The following IL1RAPL1 variants were observed in gnomAD, a reference collection of about 807,000 sequenced individuals.
IL1RAPL1 encodes the protein interleukin 1 receptor accessory protein like 1.
IL1RAPL1 carries 3 observed loss-of-function variants against 48.4 expected under a neutral mutation model. The ratio of observed to expected loss-of-function variants is 0.06; its 90% CI spans 0.03 to 0.16. The LOEUF is 0.16. IL1RAPL1 is among the 10% of genes least tolerant of loss of function. The pLI, the probability that IL1RAPL1 is intolerant of heterozygous loss-of-function variation, is 1.00. For synonymous variants in IL1RAPL1, 185 were observed against 187.7 expected (o/e 0.99, Z 0.12); for missense variants, 349 against 530.6 (o/e 0.66, Z 3.36).
intron 6 of IL1RAPL1, among the ~76,000 whole-genome samples, chrX:29,768,041 TA>T (rs1202192852): frequency 1.8e-5 from 2 of 111,907 alleles, no homozygotes; most frequent in Non-Finnish European, 3.8e-5. Flanking sequence ...GTACACCATT[TA>T]AAAAAATTAT....
chrX:29,217,916 G>A (rs771020212), intron 2 of IL1RAPL1, among the ~76,000 whole-genome samples: 1 of 110,313 alleles, frequency 9.1e-6, no homozygotes, highest in South Asian at 3.8e-4. Context: ...AAAAATCTGA[G>A]ATTAAAAAAA....
chrX:29,453,681 G>A (rs185296110), intron 5 of IL1RAPL1, among the ~76,000 whole-genome samples: 1 of 111,404 alleles, frequency 9.0e-6, no homozygotes, highest in East Asian at 2.8e-4. Context: ...CCTACCTTCG[G>A]AGACTCTTCA....
intron 1 of IL1RAPL1, among the ~76,000 whole-genome samples, chrX:28,771,704 A>G (rs1936307969): frequency 8.9e-6 from 1 of 111,745 alleles, no homozygotes; most frequent in Admixed American, 9.5e-5. Flanking sequence ...AGATAAATAA[A>G]CTTTTAAAAA....
chrX:29,689,578 A>C (rs965028769), intron 6 of IL1RAPL1, among the ~76,000 whole-genome samples: 2 of 111,944 alleles, frequency 1.8e-5, no homozygotes, highest in African/African-American at 6.5e-5. Context: ...AATGGTGAAA[A>C]TGTTATGTGA....
At chrX:29,382,628 TGAGAAAAG>T (rs1325096914) in intron 3 of IL1RAPL1, among the ~76,000 whole-genome samples, 2 of 112,340 alleles carry the variant, frequency 1.8e-5, no homozygotes, top group East Asian at 5.6e-4. Context: ...CATCTGAAAC[TGAGAAAAG>T]AGAGCAGAGT....
At chrX:29,158,601 T>A (rs2147503470) in intron 2 of IL1RAPL1, among the ~76,000 whole-genome samples, 1 of 110,996 alleles carries the variant, frequency 9.0e-6, no homozygotes, top group Admixed American at 9.7e-5. Flanking sequence ...GGTCTCGAAC[T>A]CCTGACCTCA....
intron 2 of IL1RAPL1, among the ~76,000 whole-genome samples, chrX:28,978,723 T>G (rs1323023607): frequency 8.9e-6 from 1 of 111,919 alleles, no homozygotes; most frequent in African/African-American, 3.3e-5. Flanking sequence ...GAGTGAACAG[T>G]GAATGAGTGG....
At chrX:29,380,631 C>G (rs758461995) in intron 3 of IL1RAPL1, among the ~76,000 whole-genome samples, 1 of 112,175 alleles carries the variant, frequency 8.9e-6, no homozygotes, top group South Asian at 3.7e-4. Context: ...GGCCTATAGT[C>G]TCATTAAAAA....
chrX:29,899,964 T>TCCATGGCAGTTCAAACTGCTA lies in IL1RAPL1; in HGVS notation c.779-17499_779-17479dup, dbSNP rs775730874. Among the ~76,000 whole-genome samples, 130 of 111,917 alleles carry TCCATGGCAGTTCAAACTGCTA rather than the reference T, an allele frequency of 1.2e-3. 1 individual carries two copies. The highest frequency in any genetic ancestry group is 4.1e-3 in the African/African-American group (125 of 30,840). ...TTGAGCTTCAGTTGTTCAAACTGCT[T>TCCATGGCAGTTCAAACTGCTA]CCATGGCAGTTCAAACTGCTATGTC... On this transcript the variant is annotated intron_variant, in intron 6 of 10. Transcript: ENST00000378993.
chrX:29,817,947 G>A (rs775502111), intron 6 of IL1RAPL1, among the ~76,000 whole-genome samples: 19 of 111,699 alleles, frequency 1.7e-4, no homozygotes, highest in Non-Finnish European at 3.2e-4. Flanking sequence ...TCTCATATGA[G>A]CAAGGAGATG....
intron 6 of IL1RAPL1, among the ~76,000 whole-genome samples, chrX:29,869,291 G>A (rs1273365105): frequency 8.9e-6 from 1 of 111,801 alleles, no homozygotes; most frequent in Admixed American, 9.5e-5. Context: ...GATTGTCAAA[G>A]GCTTGCTTAT....
At chrX:28,603,717 C>T (rs927376845) in intron 1 of IL1RAPL1, among the ~76,000 whole-genome samples, 2 of 111,654 alleles carry the variant, frequency 1.8e-5, no homozygotes, top group Admixed American at 9.5e-5. Flanking sequence ...AAGAATCTCC[C>T]GAGGTGTCCT....
chrX:28,714,236 A>T lies in IL1RAPL1; in HGVS notation c.-24-75084A>T, dbSNP rs149767234. Reference sequence around the variant, plus strand: ...AACCTGTCTCATTTTTCCAACTTACACCTTGCATCATCTCTCTTTCCTTAG... The same window carrying T: ...AACCTGTCTCATTTTTCCAACTTACTCCTTGCATCATCTCTCTTTCCTTAG... On this transcript the variant is annotated intron_variant, in intron 1 of 10. Coordinates refer to ENST00000378993, the MANE Select transcript of IL1RAPL1 (RefSeq NM_014271.4). Among the ~76,000 whole-genome samples, 11 of 111,442 alleles carry T rather than the reference A, an allele frequency of 9.9e-5. No homozygotes were observed. In the East Asian group the frequency reaches 3.1e-3, roughly 31 times the overall value.
intron 3 of IL1RAPL1, among the ~76,000 whole-genome samples, chrX:29,370,886 CATATT>C (rs1569296807): frequency 9.1e-6 from 1 of 109,327 alleles, no homozygotes; most frequent in Admixed American, 9.9e-5. Flanking sequence ...TTATTTGACA[CATATT>C]AATTTTACAT....
chrX:29,801,682 T>C (rs1929907760), intron 6 of IL1RAPL1, among the ~76,000 whole-genome samples: 1 of 112,020 alleles, frequency 8.9e-6, no homozygotes, highest in Non-Finnish European at 1.9e-5. Flanking sequence ...TGCTAGCATT[T>C]AGTTTGTGAA....
At chrX:29,338,162 G>A (rs1364828416) in intron 3 of IL1RAPL1, among the ~76,000 whole-genome samples, 2 of 111,039 alleles carry the variant, frequency 1.8e-5, no homozygotes, top group African/African-American at 6.6e-5. Flanking sequence ...CACTGATTGA[G>A]TGAATTGTCG....
At chrX:29,808,581 T>A in intron 6 of IL1RAPL1, among the ~76,000 whole-genome samples, 1 of 111,780 alleles carries the variant, frequency 8.9e-6, no homozygotes, top group Non-Finnish European at 1.9e-5. Flanking sequence ...TGTATGGTAC[T>A]TATTAATTTT....
At chrX:29,418,090 A>ATAT (rs1934239859) in intron 5 of IL1RAPL1, among the ~76,000 whole-genome samples, 1 of 51,068 alleles carries the variant, frequency 2.0e-5, no homozygotes, top group Non-Finnish European at 3.2e-5. Context: ...TTAAAAAAGT[A>ATAT]ATATATATAT....
At chrX:29,587,897 C>G (rs1482715786) in intron 5 of IL1RAPL1, among the ~76,000 whole-genome samples, 2 of 111,869 alleles carry the variant, frequency 1.8e-5, no homozygotes, top group Non-Finnish European at 3.8e-5. Context: ...CTCCATTTTC[C>G]CTCAGCTTTT....
Sources: gnomAD v4.1 joint callset for allele counts (sites outside exome capture counted in the v4.1 genomes callset) on GRCh38, gnomAD v4.1.1 for gene constraint, MANE v1.5 for transcripts, NCBI Gene and HGNC (gene_info 2026-07-23, HGNC 2026-07-21) for gene names.